Variants in POU2F1 observed in about 807,000 individuals in gnomAD.
The protein encoded by POU2F1 is POU domain, class 2, transcription factor 1.
A neutral mutation model predicts 84.9 loss-of-function variants in POU2F1; 16 were observed. The ratio of observed to expected loss-of-function variants is 0.19; its 90% confidence interval spans 0.13 to 0.29. The LOEUF (loss-of-function observed/expected upper bound fraction) is 0.29, where lower values mean the gene tolerates loss of function less well. POU2F1 is among the 10% of genes least tolerant of loss of function. POU2F1 has a pLI of 1.00. For synonymous variants in POU2F1, 368 were observed against 368.3 expected (o/e 1.00, Z 0.01); for missense variants, 738 against 942.6 (o/e 0.78, Z 2.84).
chr1:167,235,931 C>T (rs961189300), intron 1 of POU2F1, among the ~76,000 whole-genome samples: 4 of 152,184 alleles, frequency 2.6e-5, no homozygotes, highest in African/African-American at 9.7e-5. Context: ...AATATACACA[C>T]TTAAAAATTT....
intron 3 of POU2F1, among the ~76,000 whole-genome samples, chr1:167,366,129 T>C (rs1001294337): frequency 4.6e-5 from 7 of 152,206 alleles, no homozygotes; most frequent in African/African-American, 7.2e-5. Context: ...TGTTCATTCA[T>C]GCTTTAGCTA....
intron 2 of POU2F1, among the ~76,000 whole-genome samples, chr1:167,351,390 TG>T (rs1658550440): frequency 6.6e-6 from 1 of 151,708 alleles, no homozygotes; most frequent in Non-Finnish European, 1.5e-5. Flanking sequence ...TGGTGGCACA[TG>T]CCTGTAATCC....
chr1:167,227,229 A>G lies in POU2F1; in HGVS notation c.61+6271A>G, dbSNP rs1438873956. Reference sequence around the variant, plus strand: ...TACTAAGTCTTCAATATTGAAAGTCATAGCAAGTGCAGTTTATCACATTAT... The same window carrying G: ...TACTAAGTCTTCAATATTGAAAGTCGTAGCAAGTGCAGTTTATCACATTAT... On this transcript the variant is annotated intron_variant, in intron 1 of 15. Transcript: ENST00000367866. Among the ~76,000 whole-genome samples, 5 of 152,238 alleles carry G rather than the reference A, an allele frequency of 3.3e-5. No homozygotes were observed. The East Asian group carries it at 9.6e-4, about 29-fold the overall frequency.
At chr1:167,287,614 C>G (rs767996411) in intron 1 of POU2F1, among the ~76,000 whole-genome samples, 4 of 152,176 alleles carry the variant, frequency 2.6e-5, no homozygotes, top group Non-Finnish European at 4.4e-5. Flanking sequence ...CTCTGAGTCT[C>G]TTTTCTCTGA....
intron 1 of POU2F1, among the ~76,000 whole-genome samples, chr1:167,277,476 G>A (rs1164694819): frequency 1.3e-5 from 2 of 148,574 alleles, no homozygotes; most frequent in Non-Finnish European, 3.0e-5. Flanking sequence ...CCATTTTTAC[G>A]TGTCAACCAT....
At chr1:167,240,972 G>A (rs1264960222) in intron 1 of POU2F1, among the ~76,000 whole-genome samples, 5 of 151,982 alleles carry the variant, frequency 3.3e-5, no homozygotes, top group Non-Finnish European at 7.4e-5. Context: ...GAGAGACCCC[G>A]TCTCTGCTAA....
intron 1 of POU2F1, among the ~76,000 whole-genome samples, chr1:167,277,743 C>G (rs1652836758): frequency 6.6e-6 from 1 of 152,178 alleles, no homozygotes; most frequent in African/African-American, 2.4e-5. Context: ...GCATGCCATC[C>G]TCTGGTGTCC....
At chr1:167,306,058 A>G (rs775345530) in intron 1 of POU2F1, among the ~76,000 whole-genome samples, 1 of 152,214 alleles carries the variant, frequency 6.6e-6, no homozygotes, top group South Asian at 2.1e-4. Flanking sequence ...TGAACGGTCA[A>G]CTTGTTAACC....
intron 1 of POU2F1, among the ~76,000 whole-genome samples, chr1:167,249,816 G>A (rs1406459039): frequency 6.6e-6 from 1 of 152,186 alleles, no homozygotes; most frequent in African/African-American, 2.4e-5. Flanking sequence ...AGTGACAGTC[G>A]TGAGAGTTCA....
chr1:167,300,918 A>G (rs1033289599), intron 1 of POU2F1, among the ~76,000 whole-genome samples: 1 of 151,920 alleles, frequency 6.6e-6, no homozygotes, highest in Non-Finnish European at 1.5e-5. Context: ...TTACAGGCGC[A>G]TGCCACCACG....
intron 1 of POU2F1, among the ~76,000 whole-genome samples, chr1:167,280,167 G>T (rs375644364): frequency 1.2e-4 from 18 of 147,930 alleles, no homozygotes; most frequent in African/African-American, 3.7e-4. Context: ...CAGCCTGGGC[G>T]ACAGAGTGAT....
At chr1:167,398,187 A>G (rs1648947049) in intron 11 of POU2F1, 54 bp downstream of exon 11, 15 of 1,557,980 alleles carry the variant, frequency 9.6e-6, no homozygotes, top group African/African-American at 1.4e-5. Flanking sequence ...AGTACTTAAC[A>G]TTAGTACTTA....
At chr1:167,275,064 C>G (rs1262772455) in intron 1 of POU2F1, among the ~76,000 whole-genome samples, 1 of 142,578 alleles carries the variant, frequency 7.0e-6, no homozygotes, top group African/African-American at 2.7e-5. Context: ...GAGACAGGCT[C>G]TCACTCCAGG....
At chr1:167,226,614 C>T (rs1047989777) in intron 1 of POU2F1, among the ~76,000 whole-genome samples, 1 of 152,086 alleles carries the variant, frequency 6.6e-6, no homozygotes, top group Admixed American at 6.6e-5. Flanking sequence ...TTACTTGATC[C>T]GTTTACAGTA....
Position 167,372,037 on chromosome 1 carries a change from G to A in POU2F1, c.402+1G>A, listed in dbSNP as rs1214050463. The A allele has an allele frequency of 6.2e-7, 1 of 1,610,350 alleles. No homozygotes were observed. Among genetic ancestry groups the A allele is most frequent in the South Asian group, 1.1e-5 (1 of 90,382 alleles). Reference sequence around the variant, plus strand: ...GCTAGCTGGAGGACAGATAACTGGGGTAAGTGTTCACTGAGAGAATTATAA... The same window carrying A: ...GCTAGCTGGAGGACAGATAACTGGGATAAGTGTTCACTGAGAGAATTATAA... On this transcript the variant is annotated splice_donor_variant, in intron 5 of 15. Coordinates refer to ENST00000367866, the MANE Select transcript of POU2F1 (RefSeq NM_002697.4). LOFTEE classifies it high-confidence loss of function.
chr1:167,271,108 G>C (rs1388142153), intron 1 of POU2F1, among the ~76,000 whole-genome samples: 1 of 152,124 alleles, frequency 6.6e-6, no homozygotes, highest in East Asian at 1.9e-4. Flanking sequence ...TAACATTTTA[G>C]AACCTTGTGG....
intron 3 of POU2F1, among the ~76,000 whole-genome samples, chr1:167,368,276 C>T (rs555159053): frequency 6.6e-6 from 1 of 151,320 alleles, no homozygotes; most frequent in Admixed American, 6.6e-5. Flanking sequence ...ATTGTTCCCT[C>T]AACGGCTGAA....
chr1:167,382,881 A>G (rs1270484122), intron 7 of POU2F1, among the ~76,000 whole-genome samples: 2 of 152,190 alleles, frequency 1.3e-5, no homozygotes, highest in Non-Finnish European at 2.9e-5. Flanking sequence ...GTTACTTATA[A>G]ATAAGTGATA....
chr1:167,314,788 C>T (rs957477687), intron 1 of POU2F1, among the ~76,000 whole-genome samples: 1 of 152,036 alleles, frequency 6.6e-6, no homozygotes, highest in Non-Finnish European at 1.5e-5. Context: ...AAAACAACAG[C>T]GAAATCCCTA....
Sources: gnomAD v4.1 joint callset for allele counts (sites outside exome capture counted in the v4.1 genomes callset) on GRCh38, gnomAD v4.1.1 for gene constraint, MANE v1.5 for transcripts, NCBI Gene and HGNC (gene_info 2026-07-23, HGNC 2026-07-21) for gene names.